The following DENND1C variants were observed in gnomAD, a reference collection of about 807,000 sequenced individuals.
The protein encoded by DENND1C is DENN domain containing 1C.
A neutral mutation model predicts 87.9 loss-of-function variants in DENND1C; 64 were observed. That is an observed-to-expected ratio of 0.73 (90% confidence interval 0.60 to 0.90). The LOEUF is 0.90. DENND1C is among the 40% of genes least tolerant of loss of function. The pLI is 0.00. For synonymous variants in DENND1C, 384 were observed against 424.4 expected (o/e 0.90, Z 1.17); for missense variants, 980 against 1,037.0 (o/e 0.95, Z 0.76).
Position 6,479,910 on chromosome 19 carries a change from A to G in DENND1C, c.83-8T>C. ...GCCGCAGGATGGGGGGATCTGTAGA[A>G]GAGAGCACGCCTCTAAGTTCAGCGA... On this transcript the variant is annotated splice_polypyrimidine_tract_variant and splice_region_variant and intron_variant, in intron 2 of 22. Coordinates refer to ENST00000381480, the MANE Select transcript of DENND1C (RefSeq NM_024898.4). The G allele has an allele frequency of 6.2e-7, 1 of 1,600,870 alleles. No individual in the cohort carries two copies.
At chr19:6,470,900 C>T (rs915100939) in intron 17 of DENND1C, among the ~76,000 whole-genome samples, 24 of 152,140 alleles carry the variant, frequency 1.6e-4, no homozygotes, top group Admixed American at 9.2e-4. Context: ...TCAGGCAATT[C>T]GCCTGCCTCA....
intron 6 of DENND1C, among the ~76,000 whole-genome samples, chr19:6,478,541 C>T (rs983753838): frequency 4.6e-5 from 7 of 152,004 alleles, no homozygotes; most frequent in Non-Finnish European, 1.0e-4. Flanking sequence ...CAGGCGTGAG[C>T]CACAGCACTT....
At chr19:6,475,653 T>C (rs2092854862) in intron 12 of DENND1C, 53 bp downstream of exon 12, 2 of 1,612,424 alleles carry the variant, frequency 1.2e-6, no homozygotes, top group East Asian at 4.5e-5. Context: ...TCTGGGGATG[T>C]AGAGGAAGGG....
At position 6,467,209 on chromosome 19, in the gene DENND1C, A is replaced by C; in HGVS notation, c.*295T>G. On this transcript the variant is annotated 3_prime_UTR_variant, in exon 23 of 23. Transcript: ENST00000381480. ...ATATATTTATATAAAATTAGTAGTG[A>C]GATGTAACAAAAGCTTTATTGGTGT... is the stretch of plus-strand genomic sequence containing the variant. The C allele has an allele frequency of 1.9e-6, 1 of 528,298 alleles. No homozygotes were observed. The highest frequency in any genetic ancestry group is 3.2e-6 in the Non-Finnish European group (1 of 311,552). 32.7% of individuals were successfully genotyped at this position (528,298 alleles called of 1,614,324 possible). A position where few individuals can be genotyped will look rare whatever the true frequency, so the allele number is the denominator to read the frequency against.
At chr19:6,473,385 C>A (rs750694604) in intron 14 of DENND1C, among the ~76,000 whole-genome samples, 31 of 151,704 alleles carry the variant, frequency 2.0e-4, no homozygotes, top group Non-Finnish European at 2.9e-4. Context: ...CATCTCTTGA[C>A]CTCGTGATCC....
At chr19:6,476,305 C>T (rs542699316) in intron 10 of DENND1C, 1 of 234,196 alleles carries the variant, frequency 4.3e-6, no homozygotes, top group African/African-American at 2.3e-5. Flanking sequence ...GGGGTGGATC[C>T]AAGACGTAAC....
At chr19:6,474,490 C>T (rs547493613) in intron 14 of DENND1C, among the ~76,000 whole-genome samples, 1 of 152,298 alleles carries the variant, frequency 6.6e-6, no homozygotes, top group South Asian at 2.1e-4. Context: ...TGGGACTTCT[C>T]CAAAGCCTTG....
Position 6,468,635 on chromosome 19 carries a change from AG to A in DENND1C, c.1525del (p.Leu509PhefsTer24). ...CAGCTGGCGTCTCCTGCTGGGGCGA[AG>A]GGGCCGGTTCTGCAAAGGGTGGGGG... ...ITQHFGKNRP[L>X]RPSRRRQLEE... On this transcript the variant is annotated frameshift_variant, in exon 21 of 23. Coordinates refer to ENST00000381480, the MANE Select transcript of DENND1C (RefSeq NM_024898.4). LOFTEE classifies it high-confidence loss of function. The A allele has an allele frequency of 6.7e-7, 1 of 1,490,904 alleles. No homozygotes were observed. The highest frequency in any genetic ancestry group is 8.9e-7 in the Non-Finnish European group (1 of 1,123,270). The allele number at this position is 1,490,904 out of a possible 1,614,324, so 92.4% of individuals were successfully genotyped here. A position where few individuals can be genotyped will look rare whatever the true frequency, so the allele number is the denominator to read the frequency against.
intron 10 of DENND1C, 191 bp from the exon 11 acceptor site, chr19:6,476,128 G>C: frequency 1.7e-6 from 1 of 596,640 alleles, no homozygotes; most frequent in Non-Finnish European, 2.9e-6. Context: ...TGCTTTAAGC[G>C]GGTGAAGCCA....
In DENND1C at chr19:6,468,405, C is replaced by G. The variant is rs780198110; in HGVS notation, c.1620G>C (p.Pro540=). The G allele has an allele frequency of 6.8e-6, 11 of 1,613,742 alleles. No individual in the cohort carries two copies. The highest frequency in any genetic ancestry group is 1.6e-4 in the Middle Eastern group (1 of 6,062). The part of the protein sequence containing the change: ...PPLSPEDEGC[P]WAEEALDSSF... The stretch of plus-strand genomic sequence containing the variant: ...TGCTGTCCAGAGCTTCTTCTGCCCA[C>G]GGGCACCCCTCATCCTCAGGGCTCA... Residue 540 remains proline, a synonymous_variant, in exon 22 of 23, where the codon CCG becomes CCC. Coordinates refer to ENST00000381480, the MANE Select transcript of DENND1C (RefSeq NM_024898.4).
chr19:6,475,133 G>T (rs2092850853), intron 14 of DENND1C, 141 bp downstream of exon 14: 2 of 1,364,524 alleles, frequency 1.5e-6, no homozygotes, highest in Admixed American at 4.0e-5. Context: ...CTGGGCTCAA[G>T]CAATTCTCCC....
intron 14 of DENND1C, among the ~76,000 whole-genome samples, chr19:6,474,839 C>T (rs966194816): frequency 1.8e-4 from 28 of 152,058 alleles, no homozygotes; most frequent in African/African-American, 6.8e-4. Context: ...GAGCCTGATG[C>T]GGGCAGATCA....
intron 17 of DENND1C, 63 bp from the exon 18 acceptor site, chr19:6,470,429 T>C: frequency 6.6e-7 from 1 of 1,515,256 alleles, no homozygotes; most frequent in Non-Finnish European, 9.0e-7. Context: ...CCATCCCAGG[T>C]TGTGTGATGC....
rs200671467 is a variant in DENND1C at position 6,467,998 on chromosome 19, A to C, written c.1912T>G (p.Ser638Ala). ...TCTGAGGGTATCAGCTGGGACCTGG[A>C]GTCCTTTGAAGAGCTGGTGGCATCC... is the stretch of plus-strand genomic sequence containing the variant. ...SLDATSSSKD[S>A]RSQLIPSESD... The change falls in exon 23 of 23, where the codon TCC becomes GCC. Residue 638 changes from serine (S) to alanine (A), a missense_variant. By Grantham distance (99) the Ser-to-Ala change is moderately conservative. Transcript: ENST00000381480. The C allele has an allele frequency of 9.4e-5, 151 of 1,613,708 alleles. No individual in the cohort carries two copies. The highest frequency in any genetic ancestry group is 1.2e-4 in the Non-Finnish European group (145 of 1,179,856).
rs530774550 is a variant in DENND1C at position 6,472,632 on chromosome 19, G to A, written c.1158+257C>T. Among the ~76,000 whole-genome samples, 39 of 152,220 alleles carry A rather than the reference G, an allele frequency of 2.6e-4. No individual in the cohort carries two copies. The South Asian group carries it at 7.3e-3, about 28-fold the overall frequency. On this transcript the variant is annotated intron_variant, in intron 15 of 22. Coordinates refer to ENST00000381480, the MANE Select transcript of DENND1C (RefSeq NM_024898.4). Reference sequence around the variant, plus strand: ...TCTTGAACTCCTGAACTCGTGATCCGCCTGCCTCGGCCTCCCAAAGTGCTG... The same window carrying A: ...TCTTGAACTCCTGAACTCGTGATCCACCTGCCTCGGCCTCCCAAAGTGCTG...
chr19:6,470,021 T>C (rs1376125893), intron 18 of DENND1C: 7 of 466,934 alleles, frequency 1.5e-5, no homozygotes, highest in Non-Finnish European at 2.7e-5. Context: ...ACAAAAAGAA[T>C]GTTTGCCAGC....
In DENND1C at chr19:6,475,062, AAAC is replaced by A. The variant is rs1351684738; in HGVS notation, c.1053+209_1053+211del. 4.1e-4 allele frequency among the ~76,000 whole-genome samples: 62 copies of A among 150,136 alleles called. 2 individuals are homozygous for A. The highest frequency in any genetic ancestry group is 2.0e-4 in the Admixed American group (3 of 15,102). ...AAAACAAACAAACAAACAAACAAAC[AAAC>A]AACAACAACAACAAACGGGAGGGGT... On this transcript the variant is annotated intron_variant, in intron 14 of 22. Transcript: ENST00000381480.
chr19:6,469,177 G>T (rs151288904), intron 19 of DENND1C, among the ~76,000 whole-genome samples: 4 of 152,026 alleles, frequency 2.6e-5, no homozygotes, highest in African/African-American at 7.2e-5. Context: ...GATTACAGGC[G>T]TGCGCCACCA....
chr19:6,470,489 A>G, intron 17 of DENND1C, 123 bp from the exon 18 acceptor site: 2 of 915,948 alleles, frequency 2.2e-6, no homozygotes, highest in South Asian at 1.5e-5. Flanking sequence ...ACCTCTATAA[A>G]TGAACATGAT....
Sources: allele counts gnomAD v4.1 joint callset (sites outside exome capture counted in the v4.1 genomes callset), GRCh38; gene constraint gnomAD v4.1.1; transcripts MANE v1.5; gene names NCBI Gene and HGNC (gene_info 2026-07-23, HGNC 2026-07-21).